ARSB: variants seen among roughly 807,000 people sequenced by gnomAD.
The protein encoded by ARSB is arylsulfatase B, also known as N-acetylgalactosamine-4-sulfatase.
A neutral mutation model predicts 50.9 loss-of-function variants in ARSB; 41 were observed. That is an observed-to-expected ratio of 0.81 (90% CI 0.63 to 1.04). ARSB has a LOEUF of 1.04. Among genes scored for constraint, ARSB ranks in the 50% least tolerant of loss-of-function variants. ARSB has a pLI of 0.00. For synonymous variants in ARSB, 269 were observed against 284.8 expected, an observed-to-expected ratio of 0.94 and a Z score of 0.56; for missense variants, 672 against 693.3, an observed-to-expected ratio of 0.97 and a Z score of 0.35.
intron 6 of ARSB, among the ~76,000 whole-genome samples, chr5:78,794,189 G>A (rs1371625323): frequency 6.6e-6 from 1 of 152,114 alleles, no homozygotes; most frequent in African/African-American, 2.4e-5. Flanking sequence ...GTGCTGTAGT[G>A]GATTCTAAAT....
chr5:78,881,996 T>C (rs1747768523), intron 5 of ARSB, among the ~76,000 whole-genome samples: 1 of 152,242 alleles, frequency 6.6e-6, no homozygotes. Flanking sequence ...GATAAAAGGG[T>C]ATGCTCTAAT....
intron 4 of ARSB, among the ~76,000 whole-genome samples, chr5:78,944,557 T>C (rs867261773): frequency 5.9e-5 from 9 of 152,220 alleles, no homozygotes; most frequent in African/African-American, 2.2e-4. Flanking sequence ...AGACCCTGTT[T>C]GCCTGGGTAT....
intron 6 of ARSB, among the ~76,000 whole-genome samples, chr5:78,788,367 T>C (rs2112628114): frequency 6.6e-6 from 1 of 152,130 alleles, no homozygotes; most frequent in Middle Eastern, 3.4e-3. Context: ...AAATTGGGAG[T>C]TGTTTGTTAC....
intron 1 of ARSB, among the ~76,000 whole-genome samples, chr5:78,978,624 C>T (rs1391091583): frequency 3.3e-5 from 5 of 152,084 alleles, no homozygotes; most frequent in Non-Finnish European, 5.9e-5. Flanking sequence ...TACAAAGCTA[C>T]AGCAATCAAG....
intron 4 of ARSB, among the ~76,000 whole-genome samples, chr5:78,909,508 G>A (rs574412066): frequency 6.6e-6 from 1 of 152,172 alleles, no homozygotes; most frequent in Non-Finnish European, 1.5e-5. Flanking sequence ...CCAACCTTGA[G>A]CTCACAGAAA....
intron 6 of ARSB, among the ~76,000 whole-genome samples, chr5:78,829,863 C>T (rs1744593845): frequency 6.6e-6 from 1 of 152,150 alleles, no homozygotes; most frequent in Non-Finnish European, 1.5e-5. Flanking sequence ...ATGGTAGACT[C>T]TTTCAAGAAA....
chr5:78,819,252 C>T (rs377599798), intron 6 of ARSB, among the ~76,000 whole-genome samples: 7 of 152,190 alleles, frequency 4.6e-5, no homozygotes, highest in East Asian at 3.9e-4. Flanking sequence ...AAGGAAGCTC[C>T]GAGGGCCAAC....
rs185617433 is a variant in ARSB at position 78,903,268 on chromosome 5, T to G, written c.899-17441A>C. 2.4e-3 allele frequency among the ~76,000 whole-genome samples: 364 copies of G among 152,308 alleles called. 3 individuals are homozygous for G. The highest frequency in any genetic ancestry group is 8.2e-3 in the African/African-American group (341 of 41,568). On this transcript the variant is annotated intron_variant, in intron 4 of 7. Transcript: ENST00000264914. The stretch of plus-strand genomic sequence containing the variant: ...GAGAGGTGCGTTAAAGAAAAAATCC[T>G]ACATTCAGGAAAAGTCTTCCTAGTG...
rs557335380 is a variant in ARSB, at chr5:78,849,085, C to T, written c.1143-9659G>A. ...TTTAGTTTAATTAGATCCCATTTGT[C>T]AGTTTTGGTTTTTGTTGCCATTGCT... On this transcript the variant is annotated intron_variant, in intron 5 of 7. Transcript: ENST00000264914. Among the ~76,000 whole-genome samples, 3 of 152,252 alleles carry T rather than the reference C, an allele frequency of 2.0e-5. No homozygotes were observed. The South Asian group carries it at 6.2e-4, about 32-fold the overall frequency.
rs764812573 is a variant in ARSB at position 78,875,272 on chromosome 5, G to GA, written c.1142+10311dup. Among the ~76,000 whole-genome samples, 25 of 152,058 alleles carry GA rather than the reference G, an allele frequency of 1.6e-4. No individual in the cohort carries two copies. The East Asian group carries it at 1.7e-3, about 11-fold the overall frequency. On this transcript the variant is annotated intron_variant, in intron 5 of 7. Coordinates refer to ENST00000264914, the MANE Select transcript of ARSB (RefSeq NM_000046.5). Reference sequence around the variant, plus strand: ...TGCACTTCTAAATACATGGTTCAAAGAAAAAAATCACCATTTGCACCATTC... The same window carrying GA: ...TGCACTTCTAAATACATGGTTCAAAGAAAAAAAATCACCATTTGCACCATTC...
chr5:78,866,231 A>G (rs1746721947), intron 5 of ARSB, among the ~76,000 whole-genome samples: 1 of 152,204 alleles, frequency 6.6e-6, no homozygotes, highest in South Asian at 2.1e-4. Context: ...CCTCACAGTC[A>G]TGGTGGAAGG....
At chr5:78,821,936 G>C (rs1320365489) in intron 6 of ARSB, among the ~76,000 whole-genome samples, 2 of 152,182 alleles carry the variant, frequency 1.3e-5, no homozygotes, top group Non-Finnish European at 2.9e-5. Context: ...ACTCTGACTT[G>C]TTTGGTCTGG....
At chr5:78,850,466 T>C (rs1745709724) in intron 5 of ARSB, among the ~76,000 whole-genome samples, 2 of 151,932 alleles carry the variant, frequency 1.3e-5, no homozygotes, top group African/African-American at 4.9e-5. Context: ...TTTGCCAGTA[T>C]TTTATTGAGG....
At chr5:78,972,716 C>T (rs556897681) in intron 1 of ARSB, among the ~76,000 whole-genome samples, 58 of 152,200 alleles carry the variant, frequency 3.8e-4, no homozygotes, top group East Asian at 2.3e-3. Context: ...AAATGCTCTG[C>T]GAAAATTCCC....
intron 4 of ARSB, among the ~76,000 whole-genome samples, chr5:78,894,726 A>C (rs997998464): frequency 1.3e-5 from 2 of 152,230 alleles, no homozygotes; most frequent in African/African-American, 4.8e-5. Context: ...ATACTTAATC[A>C]ATAATAACAA....
At chr5:78,852,169 A>C (rs1745836728) in intron 5 of ARSB, among the ~76,000 whole-genome samples, 2 of 152,190 alleles carry the variant, frequency 1.3e-5, no homozygotes, top group Non-Finnish European at 2.9e-5. Context: ...TGGTCTTTAC[A>C]ATTTGGCATG....
At chr5:78,900,835 C>T (rs1285234401) in intron 4 of ARSB, among the ~76,000 whole-genome samples, 1 of 151,994 alleles carries the variant, frequency 6.6e-6, no homozygotes, top group East Asian at 1.9e-4. Flanking sequence ...GTCAGGAGAT[C>T]GAGACCATCC....
chr5:78,839,411 G>C lies in ARSB; in HGVS notation c.1158C>G (p.Ser386=). The C allele has an allele frequency of 6.2e-7, 1 of 1,613,662 alleles. No homozygotes were observed. The highest frequency in any genetic ancestry group is 1.1e-5 in the South Asian group (1 of 91,068). ...TATTATGCAGCAGCTCAATTCTGGG[G>C]GATGGGCTTCCTTCACTGGAAAACA... ...VWKTISEGSP[S]PRIELLHNID... is the part of the protein sequence containing the mutation. Residue 386 remains serine (S), a synonymous_variant, in exon 6 of 8, where the codon TCC becomes TCG. Coordinates refer to ENST00000264914, the MANE Select transcript of ARSB (RefSeq NM_000046.5).
chr5:78,972,516 T>TACACACACAC (rs59035274), intron 1 of ARSB, among the ~76,000 whole-genome samples: 7,096 of 145,594 alleles, frequency 0.049, 219 homozygotes, highest in African/African-American at 0.054. Context: ...CACGCATACG[T>TACACACACAC]ACACACACAC....
Sources: gnomAD v4.1 joint callset for allele counts (sites outside exome capture counted in the v4.1 genomes callset) on GRCh38, gnomAD v4.1.1 for gene constraint, MANE v1.5 for transcripts, NCBI Gene and HGNC (gene_info 2026-07-23, HGNC 2026-07-21) for gene names.